CCBE1: variants seen among roughly 807,000 people sequenced by gnomAD.
CCBE1 encodes collagen and calcium-binding EGF domain-containing protein 1.
A neutral mutation model predicts 50.0 loss-of-function variants in CCBE1; 37 were observed. The observed-to-expected ratio is 0.74, with a 90% CI of 0.57 to 0.97. The LOEUF (loss-of-function observed/expected upper bound fraction) is 0.97. Ranked by LOEUF, CCBE1 falls within the 50% of genes least tolerant of loss-of-function variation. The pLI, the probability that CCBE1 is intolerant of heterozygous loss-of-function variation, is 0.00. For missense variants in CCBE1, 538 were observed against 523.8 expected, an observed-to-expected ratio of 1.03 and a Z score of -0.26; for synonymous variants, 234 against 203.7, an observed-to-expected ratio of 1.15 and a Z score of -1.27.
At chr18:59,639,396 A>C (rs1599089528) in intron 2 of CCBE1, among the ~76,000 whole-genome samples, 1 of 152,384 alleles carries the variant, frequency 6.6e-6, no homozygotes, top group East Asian at 1.9e-4. Context: ...GGCAAAAACC[A>C]TATGATTATC....
rs77730554 is a variant in CCBE1, at chr18:59,676,861, G to T, written c.212+19768C>A. Among the ~76,000 whole-genome samples the T allele has an allele frequency of 3.9e-4, 60 of 152,294 alleles. No homozygotes were observed. The East Asian group carries it at 9.6e-3, about 24-fold the overall frequency. On this transcript the variant is annotated intron_variant, in intron 2 of 10. Coordinates refer to ENST00000439986, the MANE Select transcript of CCBE1 (RefSeq NM_133459.4). Reference sequence around the variant, plus strand: ...TAGGAACCAGAATTAGGATTTAAGTGGGGGGAAGACCTTTTATCCAGGTAC... The same window carrying T: ...TAGGAACCAGAATTAGGATTTAAGTTGGGGGAAGACCTTTTATCCAGGTAC...
rs1001014343 is a variant in CCBE1, at chr18:59,597,850, C to T, written c.212+98779G>A. ...GAAACCATTGAACACAGTTACCTGA[C>T]GTCAGGATAACTGAGAGTTTCCAAA... On this transcript the variant is annotated intron_variant, in intron 2 of 10. Transcript: ENST00000439986. Among the ~76,000 whole-genome samples the T allele has an allele frequency of 7.2e-5, 11 of 152,118 alleles. No individual in the cohort carries two copies. In the East Asian group the frequency reaches 1.2e-3, roughly 16 times the overall value.
intron 2 of CCBE1, among the ~76,000 whole-genome samples, chr18:59,595,114 C>CAAAAAAAAAAAAAAAAAAAAAAAAAAAA (rs546035209): frequency 5.4e-4 from 40 of 73,570 alleles, no homozygotes; most frequent in African/African-American, 1.7e-3. Context: ...GACTCTGTCT[C>CAAAAAAAAAAAAAAAAAAAAAAAAAAAA]AAAAAAAAAA....
chr18:59,618,408 A>G (rs1026395465), intron 2 of CCBE1, among the ~76,000 whole-genome samples: 1 of 152,254 alleles, frequency 6.6e-6, no homozygotes, highest in African/African-American at 2.4e-5. Flanking sequence ...CTTCAGACAC[A>G]TACATCTAAC....
At chr18:59,631,331 C>A (rs1387572570) in intron 2 of CCBE1, among the ~76,000 whole-genome samples, 1 of 151,994 alleles carries the variant, frequency 6.6e-6, no homozygotes, top group African/African-American at 2.4e-5. Context: ...CTGAAGCCAG[C>A]CTATCCCTAG....
intron 5 of CCBE1, among the ~76,000 whole-genome samples, chr18:59,458,648 A>G (rs1265217726): frequency 1.3e-5 from 2 of 152,238 alleles, no homozygotes; most frequent in Non-Finnish European, 2.9e-5. Context: ...CTGTGCGAAG[A>G]GACCACGAAC....
intron 2 of CCBE1, among the ~76,000 whole-genome samples, chr18:59,578,156 CTTCT>C (rs1401864694): frequency 6.6e-6 from 1 of 152,164 alleles, no homozygotes; most frequent in Non-Finnish European, 1.5e-5. Context: ...TGAACAGACA[CTTCT>C]TAAAAGAAGA....
In CCBE1 at chr18:59,534,675, T is replaced by G. The variant is rs753588928; in HGVS notation, c.213-54437A>C. ...AACTCTGGAGGTGGGGCCAGCAGGC[T>G]GTGTTTTCACAAGCTGTCCAGGTCA... is the stretch of plus-strand genomic sequence containing the variant. On this transcript the variant is annotated intron_variant, in intron 2 of 10. Coordinates refer to ENST00000439986, the MANE Select transcript of CCBE1 (RefSeq NM_133459.4). Among the ~76,000 whole-genome samples the G allele has an allele frequency of 3.8e-4, 58 of 152,338 alleles. No homozygotes were observed. In the Middle Eastern group the frequency reaches 0.01, roughly 27 times the overall value.
Position 59,571,899 on chromosome 18 carries a change from C to T in CCBE1, c.213-91661G>A, listed in dbSNP as rs567497403. ...AGGGGCTCATCAATCTGGATTTTAA[C>T]GAGAGCTGGTGGCAAATGTTGTTTA... On this transcript the variant is annotated intron_variant, in intron 2 of 10. Transcript: ENST00000439986. Among the ~76,000 whole-genome samples, 20 of 152,290 alleles carry T rather than the reference C, an allele frequency of 1.3e-4. No individual in the cohort carries two copies. In the South Asian group the frequency reaches 3.7e-3, roughly 28 times the overall value.
At chr18:59,598,555 A>T (rs1232090788) in intron 2 of CCBE1, among the ~76,000 whole-genome samples, 2 of 152,240 alleles carry the variant, frequency 1.3e-5, no homozygotes, top group Non-Finnish European at 2.9e-5. Flanking sequence ...CAGCAGGTGC[A>T]GGCTGGAAAT....
chr18:59,546,251 T>G (rs1915677439), intron 2 of CCBE1, among the ~76,000 whole-genome samples: 1 of 152,242 alleles, frequency 6.6e-6, no homozygotes, highest in African/African-American at 2.4e-5. Flanking sequence ...TGTTTATGAG[T>G]CATCCCCATT....
At chr18:59,624,306 C>G (rs546010061) in intron 2 of CCBE1, among the ~76,000 whole-genome samples, 2 of 152,292 alleles carry the variant, frequency 1.3e-5, no homozygotes, top group Middle Eastern at 3.4e-3. Flanking sequence ...AAGGTTCTGA[C>G]AGTATGCTTG....
intron 2 of CCBE1, among the ~76,000 whole-genome samples, chr18:59,541,184 G>C (rs1915452025): frequency 6.6e-6 from 1 of 152,172 alleles, no homozygotes; most frequent in South Asian, 2.1e-4. Flanking sequence ...TTAGTAGGAT[G>C]ATGTTTACTA....
chr18:59,620,155 G>A lies in CCBE1; in HGVS notation c.212+76474C>T, dbSNP rs185814847. Among the ~76,000 whole-genome samples, 328 of 152,308 alleles carry A rather than the reference G, an allele frequency of 2.2e-3. 1 individual carries two copies. The highest frequency in any genetic ancestry group is 3.3e-3 in the Non-Finnish European group (224 of 68,024). ...GAGACACAGTTTTCCCCACGTGAGAGCCTTGACTCCAGGCCCCTTAGAGCA... is the reference window on the plus strand; with the variant it reads ...GAGACACAGTTTTCCCCACGTGAGAACCTTGACTCCAGGCCCCTTAGAGCA... On this transcript the variant is annotated intron_variant, in intron 2 of 10. Transcript: ENST00000439986.
intron 4 of CCBE1, among the ~76,000 whole-genome samples, chr18:59,467,317 G>C (rs1471211604): frequency 6.6e-6 from 1 of 152,166 alleles, no homozygotes; most frequent in Non-Finnish European, 1.5e-5. Context: ...ACTGTGCTGG[G>C]GATTTTTAAG....
intron 3 of CCBE1, among the ~76,000 whole-genome samples, chr18:59,471,246 G>A (rs1021723955): frequency 6.6e-6 from 1 of 152,174 alleles, no homozygotes; most frequent in African/African-American, 2.4e-5. Context: ...CTGAGGAACC[G>A]CTCTCAACTC....
intron 2 of CCBE1, among the ~76,000 whole-genome samples, chr18:59,577,067 G>A (rs553401685): frequency 6.6e-6 from 1 of 152,218 alleles, no homozygotes; most frequent in Non-Finnish European, 1.5e-5. Context: ...CTTCTCCGAA[G>A]GGTCCTCATG....
chr18:59,565,677 G>A (rs34224258), intron 2 of CCBE1, among the ~76,000 whole-genome samples: 2 of 152,036 alleles, frequency 1.3e-5, no homozygotes, highest in Non-Finnish European at 2.9e-5. Context: ...CTAAGCATAG[G>A]GCCCTTTTAA....
At chr18:59,610,886 C>G (rs149215020) in intron 2 of CCBE1, among the ~76,000 whole-genome samples, 1 of 152,352 alleles carries the variant, frequency 6.6e-6, no homozygotes, top group East Asian at 1.9e-4. Flanking sequence ...CTGCCAACAG[C>G]AAAAGGGCAA....
Sources: allele counts gnomAD v4.1 joint callset (sites outside exome capture counted in the v4.1 genomes callset), GRCh38; gene constraint gnomAD v4.1.1; transcripts MANE v1.5; gene names NCBI Gene and HGNC (gene_info 2026-07-23, HGNC 2026-07-21).